The following CENPF variants were observed in gnomAD, a reference collection of about 807,000 sequenced individuals.
CENPF encodes centromere protein F, also known as AH antigen.
In CENPF, 214 loss-of-function variants were observed where a neutral mutation model predicts 307.3. That is an observed-to-expected ratio of 0.70 (90% CI 0.62 to 0.78). The LOEUF (loss-of-function observed/expected upper bound fraction) is 0.78. CENPF is among the 30% of genes least tolerant of loss of function. The pLI, the probability that CENPF is intolerant of heterozygous loss-of-function variation, is 0.00. For synonymous variants in CENPF, 1,259 were observed against 1,270.6 expected, an observed-to-expected ratio of 0.99 and a Z score of 0.19; for missense variants, 3,401 against 3,483.9, an observed-to-expected ratio of 0.98 and a Z score of 0.60.
chr1:214,617,788 C>G (rs1657400567), intron 3 of CENPF, among the ~76,000 whole-genome samples: 2 of 152,142 alleles, frequency 1.3e-5, no homozygotes, highest in Non-Finnish European at 2.9e-5. Flanking sequence ...TTCAATGACA[C>G]CACTTTCTTC....
intron 13 of CENPF, chr1:214,648,392 T>G (rs1658369247): frequency 9.2e-6 from 5 of 544,432 alleles, no homozygotes; most frequent in South Asian, 8.4e-5. Flanking sequence ...TAATTCAAAT[T>G]AATACCTTTG....
In CENPF at chr1:214,647,351, A is replaced by C. The variant is rs1658341170; in HGVS notation, c.7781A>C (p.Glu2594Ala). The C allele has an allele frequency of 6.2e-7, 1 of 1,612,804 alleles. No homozygotes were observed. Among genetic ancestry groups the C allele is most frequent in the Non-Finnish European group, 8.5e-7 (1 of 1,179,358 alleles). ...CTGCAGAGTTCTTACAAGAATCTAGAGAATGAGCTTGAATTGACAAAAATG... is the reference window on the plus strand; with the variant it reads ...CTGCAGAGTTCTTACAAGAATCTAGCGAATGAGCTTGAATTGACAAAAATG... ...EVLQSSYKNLENELELTKMDK... is the reference protein window; with the variant it reads ...EVLQSSYKNLANELELTKMDK... The change falls in exon 13 of 20, where the codon GAG (glutamate) becomes GCG (alanine). Residue 2594 changes from glutamate to alanine, a missense_variant. Glu to Ala is a moderately radical substitution (Grantham distance 107). Transcript: ENST00000366955.
rs1658226182 is a variant in CENPF, at chr1:214,644,580, C to T, written c.5010C>T (p.Ser1670=). Residue 1670 remains serine, a synonymous_variant, in exon 13 of 20, where the codon AGC becomes AGT. Coordinates refer to ENST00000366955, the MANE Select transcript of CENPF (RefSeq NM_016343.4). ...AGGCTATTCAAGGCCGAAATGAGAGCTGTGACATATCAAAAGAACATACTT... is the reference window on the plus strand; with the variant it reads ...AGGCTATTCAAGGCCGAAATGAGAGTTGTGACATATCAAAAGAACATACTT... ...TEDAIQGRNE[S]CDISKEHTSE... 6.2e-7 allele frequency: 1 copy of T among 1,605,726 alleles called. No homozygotes were observed. Among genetic ancestry groups the T allele is most frequent in the Non-Finnish European group, 8.5e-7 (1 of 1,175,324 alleles).
rs758875229 is a variant in CENPF at position 214,622,285 on chromosome 1, C to A, written c.1068+4C>A. The A allele has an allele frequency of 1.9e-6, 3 of 1,589,330 alleles. No individual in the cohort carries two copies. The African/African-American group carries it at 4.1e-5, about 22-fold the overall frequency. On this transcript the variant is annotated splice_donor_region_variant and intron_variant, in intron 7 of 19. Transcript: ENST00000366955. ...ATACGACCAGGCGTCAACCAAGGTA[C>A]TTGACTTTTCGTGAATTACTGGAGA...
At chr1:214,628,699 T>G (rs902325127) in intron 7 of CENPF, among the ~76,000 whole-genome samples, 2 of 152,236 alleles carry the variant, frequency 1.3e-5, no homozygotes, top group Non-Finnish European at 2.9e-5. Context: ...ATTTAAAATT[T>G]CCCACAAAAT....
intron 1 of CENPF, among the ~76,000 whole-genome samples, chr1:214,609,181 T>C (rs906636902): frequency 3.3e-5 from 5 of 151,982 alleles, no homozygotes; most frequent in African/African-American, 1.2e-4. Context: ...GCCTCCTGCA[T>C]CGCCACCGCC....
rs199872430 is a variant in CENPF at position 214,629,067 on chromosome 1, C to G, written c.1090C>G (p.Leu364Val). The G allele has an allele frequency of 4.7e-4, 758 of 1,609,046 alleles. 2 individuals are homozygous for G. The highest frequency in any genetic ancestry group is 5.5e-4 in the Non-Finnish European group (645 of 1,177,546). Residue 364 changes from leucine to valine, a missense_variant, in exon 8 of 20, where the codon CTG becomes GTG. Transcript: ENST00000366955. ...TTAGTATACTGCATTGGAACAAAAA[C>G]TGAAAAAATTGACGGAAGATTTGAG... ...STKYTALEQKLKKLTEDLSCQ... is the reference protein window; with the variant it reads ...STKYTALEQKVKKLTEDLSCQ...
At chr1:214,654,007 T>C (rs1050631233) in intron 16 of CENPF, 4 of 152,122 alleles carry the variant, frequency 2.6e-5, no homozygotes, top group African/African-American at 9.7e-5. Context: ...AAAGATGAGA[T>C]CCAAGCTCTA....
intron 13 of CENPF, 44 bp downstream of exon 13, chr1:214,647,444 G>A (rs1008216446): frequency 2.0e-6 from 3 of 1,528,412 alleles, no homozygotes; most frequent in African/African-American, 2.8e-5. Context: ...TAGTCATGAG[G>A]CAGGAAACCA....
rs1464269278 is a variant in CENPF, at chr1:214,614,916, A to G, written c.247A>G (p.Lys83Glu). 7.4e-6 allele frequency: 12 copies of G among 1,611,710 alleles called. No individual in the cohort carries two copies. Among genetic ancestry groups the G allele is most frequent in the South Asian group, 1.1e-5 (1 of 90,684 alleles). Reference protein sequence around the residue: ...MEICESLEKTKQKISHELQVK... With the variant: ...MEICESLEKTEQKISHELQVK... Reference sequence around the variant, plus strand: ...AATATGTGAAAGTCTGGAGAAAACTAAGCAGAAGATTTCTCATGAACTTCA... The same window carrying G: ...AATATGTGAAAGTCTGGAGAAAACTGAGCAGAAGATTTCTCATGAACTTCA... The change falls in exon 3 of 20, where the codon AAG (lysine) becomes GAG (glutamate). Residue 83 changes from lysine (K) to glutamate (E), a missense_variant. Lys to Glu is a moderately conservative substitution (Grantham distance 56, BLOSUM62 1). Transcript: ENST00000366955.
chr1:214,647,644 G>A (rs931500936), intron 13 of CENPF, among the ~76,000 whole-genome samples: 4 of 152,108 alleles, frequency 2.6e-5, no homozygotes, highest in Admixed American at 2.6e-4. Context: ...TTTTAATGTG[G>A]CACCTACATA....
intron 8 of CENPF, among the ~76,000 whole-genome samples, chr1:214,629,810 C>T (rs1449469705): frequency 1.3e-5 from 2 of 152,294 alleles, no homozygotes; most frequent in East Asian, 3.9e-4. Flanking sequence ...CCTTGGCCTC[C>T]CAAAGTGCTG....
intron 1 of CENPF, among the ~76,000 whole-genome samples, chr1:214,606,951 CA>C (rs1657050516): frequency 6.6e-6 from 1 of 152,260 alleles, no homozygotes; most frequent in Admixed American, 6.5e-5. Context: ...GGAGCATGGG[CA>C]GGTGTGCGTC....
chr1:214,611,307 C>T (rs1387337671), intron 1 of CENPF, among the ~76,000 whole-genome samples: 1 of 152,130 alleles, frequency 6.6e-6, no homozygotes, highest in Non-Finnish European at 1.5e-5. Flanking sequence ...TCTTCATATT[C>T]ATGAGCATGG....
chr1:214,620,899 A>G lies in CENPF; in HGVS notation c.818A>G (p.Asn273Ser), dbSNP rs1234879726. ...GATGCTAATAGCAGTTTCTTTGACA[A>G]TTCTAGCAGTCCTCATCTTTTGGAT... is the stretch of plus-strand genomic sequence containing the variant. ...KRDANSSFFD[N>S]SSSPHLLDQL... Residue 273 changes from asparagine to serine, a missense_variant, in exon 6 of 20, where the codon AAT (asparagine) becomes AGT (serine). Asn to Ser is a conservative substitution (Grantham distance 46, BLOSUM62 1). Transcript: ENST00000366955. The G allele has an allele frequency of 3.7e-6, 6 of 1,613,798 alleles. No individual in the cohort carries two copies. The highest frequency in any genetic ancestry group is 4.5e-5 in the East Asian group (2 of 44,898).
intron 9 of CENPF, among the ~76,000 whole-genome samples, chr1:214,631,989 C>T (rs1034064685): frequency 2.0e-5 from 3 of 152,152 alleles, no homozygotes; most frequent in Admixed American, 6.5e-5. Context: ...ATTCACACTT[C>T]CTTGATTACC....
rs1273308389 is a variant in CENPF, at chr1:214,640,963, A to G, written c.2625A>G (p.Gln875=). ...TCATGAAAGCAGAACAGATGCATCA[A>G]AGTTTTGTGGCTGAAACAAGTCAGC... is the stretch of plus-strand genomic sequence containing the variant. ...ENLMKAEQMH[Q]SFVAETSQRI... Residue 875 remains glutamine (Q), a synonymous_variant, in exon 12 of 20, where the codon CAA becomes CAG. Coordinates refer to ENST00000366955, the MANE Select transcript of CENPF (RefSeq NM_016343.4). 1.9e-6 allele frequency: 3 copies of G among 1,603,062 alleles called. No homozygotes were observed. Among genetic ancestry groups the G allele is most frequent in the Non-Finnish European group, 2.5e-6 (3 of 1,177,394 alleles).
intron 7 of CENPF, 140 bp downstream of exon 7, chr1:214,622,421 A>C (rs1657533602): frequency 2.6e-6 from 2 of 762,406 alleles, no homozygotes; most frequent in Admixed American, 6.3e-5. Context: ...ATGCAACTGA[A>C]CTAGAAAGCT....
Position 214,642,821 on chromosome 1 carries a change from T to C in CENPF, c.4483T>C (p.Phe1495Leu), listed in dbSNP as rs763480297. The C allele has an allele frequency of 6.2e-7, 1 of 1,613,962 alleles. No individual in the cohort carries two copies. Among genetic ancestry groups the C allele is most frequent in the Non-Finnish European group, 8.5e-7 (1 of 1,179,964 alleles). ...TCTTAGCAGTTTGGGAGACTCCTCCTTTTACAGAGCTCTTTTAGAACAGAC... is the reference window on the plus strand; with the variant it reads ...TCTTAGCAGTTTGGGAGACTCCTCCCTTTACAGAGCTCTTTTAGAACAGAC... ...SSLSSLGDSS[F>L]YRALLEQTGD... The change falls in exon 12 of 20, where the codon TTT (phenylalanine) becomes CTT (leucine). Residue 1495 changes from phenylalanine (F) to leucine (L), a missense_variant. By Grantham distance (22) the Phe-to-Leu change is conservative. Transcript: ENST00000366955.
Sources: gnomAD v4.1 joint callset for allele counts (sites outside exome capture counted in the v4.1 genomes callset) on GRCh38, gnomAD v4.1.1 for gene constraint, MANE v1.5 for transcripts, NCBI Gene and HGNC (gene_info 2026-07-23, HGNC 2026-07-21) for gene names.